The following NBAS variants were observed in gnomAD, a reference collection of about 807,000 sequenced individuals.
NBAS encodes NAG/BC035112 fusion.
NBAS carries 219 observed loss-of-function variants against 302.5 expected under a neutral mutation model. The ratio of observed to expected loss-of-function variants is 0.72; its 90% CI spans 0.65 to 0.81. The LOEUF is 0.81. NBAS is among the 30% of genes least tolerant of loss of function. NBAS has a pLI of 0.00. For synonymous variants in NBAS, 1,118 were observed against 1,021.6 expected (o/e 1.09, Z -1.80); for missense variants, 2,932 against 2,841.6 (o/e 1.03, Z -0.72).
At chr2:15,289,820 A>G (rs1670220817) in intron 41 of NBAS, among the ~76,000 whole-genome samples, 1 of 151,954 alleles carries the variant, frequency 6.6e-6, no homozygotes. Flanking sequence ...ATACGGTGAA[A>G]CCCTGTCTCT....
At chr2:15,262,340 T>G (rs890576708) in intron 44 of NBAS, among the ~76,000 whole-genome samples, 2 of 152,202 alleles carry the variant, frequency 1.3e-5, no homozygotes, top group African/African-American at 4.8e-5. Flanking sequence ...CAGCCAGCCC[T>G]GAAGTCAGCC....
At chr2:14,921,847 T>G in the NBAS span, among the ~76,000 whole-genome samples, 1 of 152,208 alleles carries the variant, frequency 6.6e-6, no homozygotes, top group African/African-American at 2.4e-5. Context: ...ACATTTTTTT[T>G]ACAGACTTGT....
the NBAS span, among the ~76,000 whole-genome samples, chr2:15,085,997 G>A: frequency 2.0e-5 from 3 of 152,116 alleles, no homozygotes; most frequent in East Asian, 1.9e-4. Flanking sequence ...GGCTCCTGGA[G>A]GGAAGGGGTG....
chr2:15,456,533 C>T (rs1296694860), intron 21 of NBAS, among the ~76,000 whole-genome samples: 1 of 152,208 alleles, frequency 6.6e-6, no homozygotes, highest in Non-Finnish European at 1.5e-5. Flanking sequence ...CAGCTACATT[C>T]GTGAACAAGA....
the NBAS span, among the ~76,000 whole-genome samples, chr2:14,849,210 C>T: frequency 6.7e-6 from 1 of 149,172 alleles, no homozygotes; most frequent in African/African-American, 2.5e-5. Context: ...ACTAGAATAA[C>T]CAATACAGAG....
At chr2:15,313,961 G>A (rs1237968759) in intron 38 of NBAS, among the ~76,000 whole-genome samples, 15 of 152,184 alleles carry the variant, frequency 9.9e-5, no homozygotes, top group Admixed American at 9.8e-4. Context: ...GTGAAATCCA[G>A]AATAGTAATT....
At chr2:15,546,789 C>A (rs1270102045) in intron 6 of NBAS, among the ~76,000 whole-genome samples, 1 of 152,210 alleles carries the variant, frequency 6.6e-6, no homozygotes, top group African/African-American at 2.4e-5. Flanking sequence ...CAACCTTTTT[C>A]ATGTCAACAC....
chr2:15,390,299 T>C (rs774243396), intron 28 of NBAS, among the ~76,000 whole-genome samples: 19 of 152,154 alleles, frequency 1.2e-4, no homozygotes, highest in Non-Finnish European at 2.6e-4. Flanking sequence ...AAATTAACCA[T>C]GTCCCAGAAA....
At chr2:15,259,173 CACAAG>C (rs1262169489) in intron 44 of NBAS, among the ~76,000 whole-genome samples, 1 of 152,176 alleles carries the variant, frequency 6.6e-6, no homozygotes, top group Non-Finnish European at 1.5e-5. Context: ...ACCCTAGAGT[CACAAG>C]ACATTTTTTA....
the NBAS span, among the ~76,000 whole-genome samples, chr2:14,830,864 C>T: frequency 6.6e-6 from 1 of 152,190 alleles, no homozygotes; most frequent in Non-Finnish European, 1.5e-5. Flanking sequence ...CAGCCAGCTC[C>T]TTGATTTACA....
the NBAS span, among the ~76,000 whole-genome samples, chr2:15,076,465 G>A: frequency 6.6e-6 from 1 of 152,172 alleles, no homozygotes; most frequent in Non-Finnish European, 1.5e-5. Flanking sequence ...TAAAATTTTT[G>A]TGAAGGTGTC....
At chr2:15,278,390 T>C (rs1395077853) in intron 42 of NBAS, among the ~76,000 whole-genome samples, 2 of 152,222 alleles carry the variant, frequency 1.3e-5, no homozygotes, top group African/African-American at 2.4e-5. Context: ...TATTGGCACA[T>C]GCTGAATATC....
chr2:14,930,445 C>G, the NBAS span, among the ~76,000 whole-genome samples: 1 of 152,136 alleles, frequency 6.6e-6, no homozygotes, highest in Non-Finnish European at 1.5e-5. Flanking sequence ...TCATACTGTG[C>G]GTGTACCTGA....
the NBAS span, among the ~76,000 whole-genome samples, chr2:15,098,615 GTATTATATATTGTATATTATA>G: frequency 1.2e-5 from 1 of 82,876 alleles, no homozygotes; most frequent in South Asian, 3.2e-4. Context: ...TGTATATAAT[GTATTATATATTGTATATTATA>G]TATTATATAT....
At chr2:15,331,752 T>C (rs899145368) in intron 35 of NBAS, among the ~76,000 whole-genome samples, 2 of 152,192 alleles carry the variant, frequency 1.3e-5, no homozygotes, top group African/African-American at 2.4e-5. Flanking sequence ...AGTTGCCATA[T>C]ATGGTAAGTA....
chr2:14,988,215 G>C, the NBAS span, among the ~76,000 whole-genome samples: 1 of 152,106 alleles, frequency 6.6e-6, no homozygotes, highest in African/African-American at 2.4e-5. Context: ...TCTTGAATTT[G>C]TCCCTATTAT....
chr2:15,487,804 A>C (rs1680694047), intron 12 of NBAS, among the ~76,000 whole-genome samples: 1 of 152,208 alleles, frequency 6.6e-6, no homozygotes, highest in Non-Finnish European at 1.5e-5. Flanking sequence ...CAAGGTTGTA[A>C]GCTGAGGAGC....
chr2:15,211,710 A>G (rs757218346), intron 48 of NBAS, among the ~76,000 whole-genome samples: 19 of 152,230 alleles, frequency 1.2e-4, no homozygotes, highest in Non-Finnish European at 2.4e-4. Flanking sequence ...GCACTTGGAC[A>G]TGATTAGCCC....
At chr2:15,373,050 T>C (rs1023330484) in intron 31 of NBAS, among the ~76,000 whole-genome samples, 8 of 152,210 alleles carry the variant, frequency 5.3e-5, no homozygotes, top group Non-Finnish European at 1.2e-4. Context: ...GTGCTCTGGA[T>C]TCTTCCTTGA....
Sources: gnomAD v4.1 joint callset for allele counts (sites outside exome capture counted in the v4.1 genomes callset) on GRCh38, gnomAD v4.1.1 for gene constraint, MANE v1.5 for transcripts, NCBI Gene and HGNC (gene_info 2026-07-23, HGNC 2026-07-21) for gene names.